MYEF2: variants seen among roughly 807,000 people sequenced by gnomAD.
MYEF2 encodes the protein myelin expression factor 2, also known as myelin gene expression factor 2.
In MYEF2, 37 loss-of-function variants were observed where a neutral mutation model predicts 75.2. That is an observed-to-expected ratio of 0.49 (90% CI 0.38 to 0.65). The LOEUF (loss-of-function observed/expected upper bound fraction) is 0.65, where lower values mean the gene tolerates loss of function less well. Among genes scored for constraint, MYEF2 ranks in the 30% least tolerant of loss-of-function variants. MYEF2 has a pLI of 0.00. For synonymous variants in MYEF2, 195 were observed against 241.6 expected (o/e 0.81, Z 1.79); for missense variants, 634 against 771.4 (o/e 0.82, Z 2.11).
intron 16 of MYEF2, 90 bp from the exon 17 acceptor site, chr15:48,143,161 T>C: frequency 1.3e-6 from 1 of 744,864 alleles, no homozygotes; most frequent in East Asian, 3.3e-5. Flanking sequence ...CCAATTGTGA[T>C]AATTAATTTG....
chr15:48,141,384 C>G lies in MYEF2; in HGVS notation c.*1524G>C. 4.3e-6 allele frequency: 2 copies of G among 468,630 alleles called. No individual in the cohort carries two copies. Among genetic ancestry groups the G allele is most frequent in the Non-Finnish European group, 7.8e-6 (2 of 256,492 alleles). The allele number at this position is 468,630 out of a possible 1,614,324, so 29.0% of individuals were successfully genotyped here. On this transcript the variant is annotated 3_prime_UTR_variant, in exon 17 of 17. Transcript: ENST00000324324. The stretch of plus-strand genomic sequence containing the variant: ...ACGAGGTCAGGAGTTTGAGACCAGC[C>G]TGACCAACATGGTGAAACCCAGTCT...
At chr15:48,172,109 C>T (rs143418960) in intron 1 of MYEF2, among the ~76,000 whole-genome samples, 5 of 152,142 alleles carry the variant, frequency 3.3e-5, no homozygotes, top group South Asian at 2.1e-4. Flanking sequence ...TTAAGAAAAA[C>T]GACCTCCAGG....
chr15:48,152,282 T>C lies in MYEF2; in HGVS notation c.1090A>G (p.Met364Val). The C allele has an allele frequency of 1.2e-6, 2 of 1,607,906 alleles. No individual in the cohort carries two copies. The highest frequency in any genetic ancestry group is 1.7e-6 in the Non-Finnish European group (2 of 1,175,150). The stretch of plus-strand genomic sequence containing the variant: ...CCAAAACCTGGACCATCCATTCCCA[T>C]ACCTCAAATAAAATACACAGTATGT... ...GVMGNLGPGGMGMDGPGFGGM... is the reference protein window; with the variant it reads ...GVMGNLGPGGVGMDGPGFGGM... Residue 364 changes from methionine (M) to valine (V), a missense_variant and splice_region_variant, in exon 11 of 17, where the codon ATG becomes GTG. Physicochemically the swap from Met to Val is conservative, Grantham distance 21. Transcript: ENST00000324324.
intron 1 of MYEF2, among the ~76,000 whole-genome samples, chr15:48,171,161 G>A (rs925813759): frequency 6.6e-6 from 1 of 152,186 alleles, no homozygotes; most frequent in Non-Finnish European, 1.5e-5. Context: ...GCAGATAGAA[G>A]AACAAACCTT....
At chr15:48,143,198 A>C (rs2039148791) in intron 16 of MYEF2, 127 bp from the exon 17 acceptor site, 7 of 500,990 alleles carry the variant, frequency 1.4e-5, no homozygotes, top group Non-Finnish European at 2.2e-5. Flanking sequence ...ATTTAAAATA[A>C]ATAATATAAG....
rs1009559479 is a variant in MYEF2 at position 48,142,058 on chromosome 15, G to A, written c.*850C>T. 19 of 1,612,840 alleles carry A rather than the reference G, an allele frequency of 1.2e-5. No individual in the cohort carries two copies. The highest frequency in any genetic ancestry group is 1.7e-4 in the Middle Eastern group (1 of 6,058). ...AGGAGATATGGCTATGTCTAACATC[G>A]TGGGATCCAATGTGTTTGATATGTT... On this transcript the variant is annotated 3_prime_UTR_variant, in exon 17 of 17. Transcript: ENST00000324324.
intron 2 of MYEF2, 54 bp from the exon 3 acceptor site, chr15:48,167,455 G>A: frequency 1.3e-6 from 2 of 1,551,978 alleles, no homozygotes; most frequent in Non-Finnish European, 8.9e-7. Context: ...TTAAACACCA[G>A]TATCTTGCTT....
intron 4 of MYEF2, 21 bp downstream of exon 4, chr15:48,166,099 AC>A: frequency 6.3e-7 from 1 of 1,578,734 alleles, no homozygotes. Flanking sequence ...GACTTAAGAT[AC>A]TTAAAGAAAA....
chr15:48,158,713 G>C (rs1250724368), intron 7 of MYEF2, 56 bp downstream of exon 7: 1 of 1,598,844 alleles, frequency 6.3e-7, no homozygotes, highest in Non-Finnish European at 8.5e-7. Context: ...CCAAAACAAA[G>C]GTGGTATTAT....
At chr15:48,147,470 C>T (rs1009792535) in intron 16 of MYEF2, among the ~76,000 whole-genome samples, 2 of 151,666 alleles carry the variant, frequency 1.3e-5, no homozygotes, top group Non-Finnish European at 2.9e-5. Flanking sequence ...TAAATCAACA[C>T]AGATTATACT....
chr15:48,177,191 C>T (rs1019639944), intron 1 of MYEF2, among the ~76,000 whole-genome samples: 2 of 152,150 alleles, frequency 1.3e-5, no homozygotes, highest in Non-Finnish European at 1.5e-5. Flanking sequence ...TGAAAGTAAG[C>T]GCTTAACTTC....
chr15:48,140,869 C>T lies in MYEF2; in HGVS notation c.*2039G>A. ...ATCAAACAGGAAAATTTCTCACTGG[C>T]AGAATTTTAGCTGTTACGTATCTTT... is the stretch of plus-strand genomic sequence containing the variant. On this transcript the variant is annotated 3_prime_UTR_variant, in exon 17 of 17. Coordinates refer to ENST00000324324, the MANE Select transcript of MYEF2 (RefSeq NM_016132.5). 2.8e-6 allele frequency: 1 copy of T among 355,644 alleles called. No individual in the cohort carries two copies. Among genetic ancestry groups the T allele is most frequent in the Non-Finnish European group, 5.2e-6 (1 of 191,236 alleles). The allele number at this position is 355,644 out of a possible 1,614,324, so 22.0% of individuals were successfully genotyped here. A position where few individuals can be genotyped will look rare whatever the true frequency, so the allele number is the denominator to read the frequency against.
At chr15:48,174,263 A>G (rs916477794) in intron 1 of MYEF2, among the ~76,000 whole-genome samples, 1 of 152,110 alleles carries the variant, frequency 6.6e-6, no homozygotes, top group African/African-American at 2.4e-5. Flanking sequence ...AAAAAATGGT[A>G]TTGGGAAAAC....
In MYEF2 at chr15:48,152,112, C is replaced by T. The variant is rs779940624; in HGVS notation, c.1138+122G>A. 3.3e-6 allele frequency: 4 copies of T among 1,194,454 alleles called. No individual in the cohort carries two copies. The African/African-American group carries it at 6.1e-5, about 18-fold the overall frequency. The allele number at this position is 1,194,454 out of a possible 1,614,324, so 74.0% of individuals were successfully genotyped here. ...ATGTACCAGGCTCAATTTCTGCTAG[C>T]AGCCTTTAGAACATGAGCCAACAAT... On this transcript the variant is annotated intron_variant, in intron 11 of 16. Coordinates refer to ENST00000324324, the MANE Select transcript of MYEF2 (RefSeq NM_016132.5).
intron 16 of MYEF2, among the ~76,000 whole-genome samples, chr15:48,143,445 C>T (rs560815847): frequency 6.6e-6 from 1 of 151,962 alleles, no homozygotes; most frequent in African/African-American, 2.4e-5. Context: ...TTAGAATAAA[C>T]GGTTGCTTAC....
At position 48,138,857 on chromosome 15, in the gene MYEF2, C is replaced by A; in HGVS notation, c.*4051G>T. 1 of 771,892 alleles carries A rather than the reference C, an allele frequency of 1.3e-6. No individual in the cohort carries two copies. Among genetic ancestry groups the A allele is most frequent in the Non-Finnish European group, 2.1e-6 (1 of 478,434 alleles). The allele number at this position is 771,892 out of a possible 1,614,324, so 47.8% of individuals were successfully genotyped here. On this transcript the variant is annotated 3_prime_UTR_variant, in exon 17 of 17. Coordinates refer to ENST00000324324, the MANE Select transcript of MYEF2 (RefSeq NM_016132.5). ...TGAGGTACTCAAATGTTTTAAACAGCCTTTTAAAAACTGATACAGCTAATT... is the reference window on the plus strand; with the variant it reads ...TGAGGTACTCAAATGTTTTAAACAGACTTTTAAAAACTGATACAGCTAATT...
At position 48,136,857 on chromosome 15, in the gene MYEF2, A is replaced by G; in HGVS notation, c.*6051T>C. On this transcript the variant is annotated 3_prime_UTR_variant, in exon 17 of 17. Coordinates refer to ENST00000324324, the MANE Select transcript of MYEF2 (RefSeq NM_016132.5). The stretch of plus-strand genomic sequence containing the variant: ...TGATGGGCTGGGAAGATGAAGGTCA[A>G]CCATTCATTCGTCGGCAATCAAGAA... 1 of 1,613,874 alleles carries G rather than the reference A, an allele frequency of 6.2e-7. No homozygotes were observed. The highest frequency in any genetic ancestry group is 8.5e-7 in the Non-Finnish European group (1 of 1,179,832).
At position 48,142,238 on chromosome 15, in the gene MYEF2, G is replaced by C. The variant is rs201239799; in HGVS notation, c.*670C>G. The C allele has an allele frequency of 2.5e-6, 4 of 1,613,690 alleles. No individual in the cohort carries two copies. In the African/African-American group the frequency reaches 4.0e-5, roughly 16 times the overall value. ...AGTTCACTTCAATGGCTGGAAACTA[G>C]ACAGAAAGTTGGGAATAGTCTGCCT... is the stretch of plus-strand genomic sequence containing the variant. On this transcript the variant is annotated 3_prime_UTR_variant, in exon 17 of 17. Transcript: ENST00000324324.
At chr15:48,147,601 T>C (rs2039336969) in intron 16 of MYEF2, among the ~76,000 whole-genome samples, 1 of 152,028 alleles carries the variant, frequency 6.6e-6, no homozygotes, top group Non-Finnish European at 1.5e-5. Flanking sequence ...TTCTTACTCC[T>C]GCAAAGAAGA....
Sources: allele counts gnomAD v4.1 joint callset (sites outside exome capture counted in the v4.1 genomes callset), GRCh38; gene constraint gnomAD v4.1.1; transcripts MANE v1.5; gene names NCBI Gene and HGNC (gene_info 2026-07-23, HGNC 2026-07-21).